Variants in ASB15 observed in about 807,000 individuals in gnomAD.
ASB15 encodes the protein ankyrin repeat and SOCS box containing 15.
A neutral mutation model predicts 58.0 loss-of-function variants in ASB15; 54 were observed. The observed-to-expected ratio is 0.93, with a 90% CI of 0.75 to 1.17. The LOEUF is 1.17. Ranked by LOEUF, ASB15 falls within the 50% of genes most tolerant of loss-of-function variation. The probability of loss-of-function intolerance (pLI) is 0.00; values close to 1 mark genes in which losing one functional copy is unlikely to be tolerated. For missense variants in ASB15, 680 were observed against 707.4 expected, an observed-to-expected ratio of 0.96 and a Z score of 0.44; for synonymous variants, 249 against 262.4, an observed-to-expected ratio of 0.95 and a Z score of 0.50.
intron 7 of ASB15, among the ~76,000 whole-genome samples, chr7:123,620,729 A>AT (rs1364126445): frequency 6.7e-6 from 1 of 148,834 alleles, no homozygotes; most frequent in African/African-American, 2.5e-5. Context: ...TGCCTGGCTA[A>AT]TTTTTTGTAT....
At chr7:123,577,968 G>A (rs143689781) in intron 1 of ASB15, among the ~76,000 whole-genome samples, 2,841 of 151,426 alleles carry the variant, frequency 0.019, 88 homozygotes, top group African/African-American at 0.066. Flanking sequence ...AGGTATACAC[G>A]TGCCATGGTG....
chr7:123,583,639 G>A (rs536499921), intron 1 of ASB15, among the ~76,000 whole-genome samples: 9 of 151,978 alleles, frequency 5.9e-5, no homozygotes, highest in South Asian at 2.1e-4. Flanking sequence ...CAAAATGAGC[G>A]AAGAAAGATT....
chr7:123,628,843 T>C, intron 9 of ASB15, 21 bp from the exon 10 acceptor site: 1 of 1,425,746 alleles, frequency 7.0e-7, no homozygotes, highest in Non-Finnish European at 9.5e-7. Context: ...GGCAAGTAGA[T>C]ATTTGACTTT....
intron 3 of ASB15, among the ~76,000 whole-genome samples, chr7:123,609,368 A>G (rs1050462453): frequency 3.9e-5 from 6 of 152,126 alleles, no homozygotes; most frequent in Non-Finnish European, 2.9e-5. Flanking sequence ...GTATGTTGCT[A>G]TCTAAATTTT....
chr7:123,628,571 G>A (rs543563913), intron 9 of ASB15, among the ~76,000 whole-genome samples: 1 of 152,306 alleles, frequency 6.6e-6, no homozygotes, highest in Non-Finnish European at 1.5e-5. Context: ...TTGTTCAGAG[G>A]AGAATTGGAA....
intron 1 of ASB15, among the ~76,000 whole-genome samples, chr7:123,589,940 T>C (rs1460847295): frequency 2.6e-5 from 4 of 152,174 alleles, no homozygotes; most frequent in South Asian, 2.1e-4. Context: ...CCACCAACAG[T>C]GTAAAAGCGT....
At chr7:123,604,397 C>T (rs191578463) in intron 2 of ASB15, among the ~76,000 whole-genome samples, 185 bp downstream of exon 2, 7 of 152,050 alleles carry the variant, frequency 4.6e-5, no homozygotes, top group East Asian at 1.9e-4. Flanking sequence ...GCCTGACCAA[C>T]GTGGTGAAAC....
chr7:123,605,417 C>A (rs1800099570), intron 2 of ASB15, among the ~76,000 whole-genome samples: 1 of 152,120 alleles, frequency 6.6e-6, no homozygotes, highest in South Asian at 2.1e-4. Context: ...AGTTCGGCCA[C>A]TGTGGAAAAC....
chr7:123,590,287 T>A (rs1475754944), intron 1 of ASB15, among the ~76,000 whole-genome samples: 1 of 152,204 alleles, frequency 6.6e-6, no homozygotes, highest in East Asian at 1.9e-4. Flanking sequence ...TTCACTCTGA[T>A]GATAGTTTAT....
rs541521657 is a variant in ASB15 at position 123,627,180 on chromosome 7, C to A, written c.768C>A (p.Pro256=). The A allele has an allele frequency of 6.2e-7, 1 of 1,613,890 alleles. No individual in the cohort carries two copies. The highest frequency in any genetic ancestry group is 1.3e-5 in the African/African-American group (1 of 75,010). Residue 256 remains proline (P), a synonymous_variant, in exon 9 of 12, where the codon CCC becomes CCA. Transcript: ENST00000451215. ...TTGAGGCAGCAGGAGGTGGCAATCCCGACTGCATTTCCCTCCTGCTGGAAT... is the reference window on the plus strand; with the variant it reads ...TTGAGGCAGCAGGAGGTGGCAATCCAGACTGCATTTCCCTCCTGCTGGAAT... ...VLFEAAGGGN[P]DCISLLLEYG...
chr7:123,612,494 A>T (rs1800521739), intron 3 of ASB15: 1 of 152,238 alleles, frequency 6.6e-6, no homozygotes, highest in Non-Finnish European at 1.5e-5. Context: ...TCACAGATTA[A>T]GATGGCTGGA....
chr7:123,624,852 T>C, intron 8 of ASB15, 38 bp downstream of exon 8: 5 of 1,584,866 alleles, frequency 3.2e-6, no homozygotes, highest in African/African-American at 1.3e-5. Flanking sequence ...ACTTTTGTCC[T>C]GCCTCTCGAA....
intron 1 of ASB15, among the ~76,000 whole-genome samples, chr7:123,574,909 T>C (rs990631197): frequency 1.3e-5 from 2 of 151,662 alleles, no homozygotes; most frequent in African/African-American, 4.8e-5. Context: ...CATACTTGTT[T>C]AACTCTCAGC....
Position 123,624,779 on chromosome 7 carries a change from G to T in ASB15, c.662G>T (p.Gly221Val), listed in dbSNP as rs148904381. 329 of 1,614,060 alleles carry T rather than the reference G, an allele frequency of 2.0e-4. 1 individual carries two copies. The highest frequency in any genetic ancestry group is 2.6e-4 in the Non-Finnish European group (304 of 1,179,940). Residue 221 changes from glycine to valine, a missense_variant, in exon 8 of 12, where the codon GGT (glycine) becomes GTT (valine). Gly to Val is a moderately radical substitution (Grantham distance 109). Transcript: ENST00000451215. ...CCACTAGGCGTCGCTGCCGAGTATG[G>T]TCACTGTGACGTGTTAGAACATCTA... The part of the protein sequence containing the change: ...VTPLGVAAEY[G>V]HCDVLEHLIH...
upstream of ASB15, among the ~76,000 whole-genome samples, chr7:123,598,615 T>C (rs1289710266): frequency 6.6e-6 from 1 of 152,192 alleles, no homozygotes; most frequent in East Asian, 1.9e-4. Flanking sequence ...TTTGAACAAG[T>C]CATCAGTGTT....
At chr7:123,577,104 C>A (rs1008721164) in intron 1 of ASB15, among the ~76,000 whole-genome samples, 1 of 152,146 alleles carries the variant, frequency 6.6e-6, no homozygotes, top group African/African-American at 2.4e-5. Flanking sequence ...CCACCTCCTA[C>A]TTAATAAACT....
chr7:123,578,903 G>T (rs969175260), intron 1 of ASB15, among the ~76,000 whole-genome samples: 2 of 151,992 alleles, frequency 1.3e-5, no homozygotes, highest in Admixed American at 1.3e-4. Flanking sequence ...TACATGCAAG[G>T]TATTTTATTT....
intron 1 of ASB15, among the ~76,000 whole-genome samples, chr7:123,591,067 A>G (rs1356391512): frequency 2.0e-5 from 3 of 152,144 alleles, no homozygotes; most frequent in Admixed American, 2.0e-4. Context: ...AGTAATTGTA[A>G]ATGGGAGTTC....
intron 7 of ASB15, among the ~76,000 whole-genome samples, chr7:123,621,138 T>C (rs768723039): frequency 2.0e-4 from 30 of 152,192 alleles, no homozygotes; most frequent in Non-Finnish European, 3.8e-4. Flanking sequence ...AACAGAGCAG[T>C]AAACATTTAC....
Sources: gnomAD v4.1 joint callset for allele counts (sites outside exome capture counted in the v4.1 genomes callset) on GRCh38, gnomAD v4.1.1 for gene constraint, MANE v1.5 for transcripts, NCBI Gene and HGNC (gene_info 2026-07-23, HGNC 2026-07-21) for gene names.